ZNF689: variants seen among roughly 807,000 people sequenced by gnomAD.
ZNF689 encodes the protein short ORF-encoded histone-binding protein.
Under a neutral mutation model 37.2 loss-of-function variants are expected in ZNF689, and 14 were observed. That is an observed-to-expected ratio of 0.38 (90% CI 0.25 to 0.59). The LOEUF is 0.59. ZNF689 is among the 20% of genes least tolerant of loss of function. ZNF689 has a pLI of 0.68. For missense variants in ZNF689, 573 were observed against 700.2 expected, an observed-to-expected ratio of 0.82 and a Z score of 2.05; for synonymous variants, 277 against 283.3, an observed-to-expected ratio of 0.98 and a Z score of 0.22.
chr16:30,606,476 C>T (rs558811716), intron 2 of ZNF689, among the ~76,000 whole-genome samples: 4 of 152,016 alleles, frequency 2.6e-5, no homozygotes, highest in East Asian at 1.9e-4. Context: ...TGCTTTACAG[C>T]GTATGTTCTC....
chr16:30,606,704 G>A (rs1449075024), intron 2 of ZNF689, among the ~76,000 whole-genome samples: 1 of 151,828 alleles, frequency 6.6e-6, no homozygotes, highest in Non-Finnish European at 1.5e-5. Flanking sequence ...GTTTCACCAT[G>A]TTGGCCAGGT....
intron 2 of ZNF689, among the ~76,000 whole-genome samples, chr16:30,606,910 G>C (rs1371488223): frequency 1.3e-5 from 2 of 151,976 alleles, no homozygotes; most frequent in African/African-American, 2.4e-5. Flanking sequence ...CTATTTTACA[G>C]CTACACAGAA....
intron 1 of ZNF689, 46 bp downstream of exon 1, chr16:30,609,791 C>T (rs755939131): frequency 1.9e-6 from 3 of 1,573,776 alleles, no homozygotes; most frequent in Admixed American, 3.8e-5. Context: ...CTCTCCGGCT[C>T]CTGCATCCCT....
chr16:30,610,407 C>T, upstream of ZNF689: 1 of 227,368 alleles, frequency 4.4e-6, no homozygotes, highest in South Asian at 8.3e-5. Context: ...TTGGGCTTCA[C>T]GCCGTCTTTT....
Position 30,604,141 on chromosome 16 carries a change from T to C in ZNF689, c.*123A>G. 1 of 1,061,984 alleles carries C rather than the reference T, an allele frequency of 9.4e-7. No homozygotes were observed. Among genetic ancestry groups the C allele is most frequent in the Non-Finnish European group, 1.4e-6 (1 of 700,788 alleles). 65.8% of individuals were successfully genotyped at this position (1,061,984 alleles called of 1,614,324 possible). ...GCCAGCGCATTGCAAGATACAAAGT[T>C]CAGCTCTGTGCAGCAGGAGACCCGG... On this transcript the variant is annotated 3_prime_UTR_variant, in exon 3 of 3. Transcript: ENST00000287461. The surrounding 1 kb of genome is among the most constrained non-coding windows in gnomAD (Gnocchi z 5.2).
In ZNF689 at chr16:30,605,523, C is replaced by A. The variant is rs2052028082; in HGVS notation, c.320-76G>T. 7.0e-7 allele frequency: 1 copy of A among 1,436,726 alleles called. No homozygotes were observed. Among genetic ancestry groups the A allele is most frequent in the African/African-American group, 1.4e-5 (1 of 70,022 alleles). 89.0% of individuals were successfully genotyped at this position (1,436,726 alleles called of 1,614,324 possible). A position where few individuals can be genotyped will look rare whatever the true frequency, so the allele number is the denominator to read the frequency against. The stretch of plus-strand genomic sequence containing the variant: ...GTCAATTACATTATAGGTTACAAGA[C>A]CAATAGACTCACCCCCTGGTCTCAA... On this transcript the variant is annotated intron_variant, in intron 2 of 2. Coordinates refer to ENST00000287461, the MANE Select transcript of ZNF689 (RefSeq NM_138447.3). The surrounding 1 kb of genome is among the most constrained non-coding windows in gnomAD (Gnocchi z 5.1).
chr16:30,604,624 G>A lies in ZNF689; in HGVS notation c.1143C>T (p.Ala381=). 3 of 1,609,882 alleles carry A rather than the reference G, an allele frequency of 1.9e-6. No individual in the cohort carries two copies. Among genetic ancestry groups the A allele is most frequent in the Non-Finnish European group, 2.5e-6 (3 of 1,178,304 alleles). Residue 381 remains alanine (A), a synonymous_variant, in exon 3 of 3, where the codon GCC becomes GCT. Coordinates refer to ENST00000287461, the MANE Select transcript of ZNF689 (RefSeq NM_138447.3). This position sits in a 1 kb window ranked among gnomAD's most constrained non-coding sequence, Gnocchi z 5.2. ...KPYPCPDCGR[A]FRRSGSLAIH... The stretch of plus-strand genomic sequence containing the variant: ...TGGCCAGGGAGCCGCTCCGCCGGAA[G>A]GCACGCCCACAGTCTGGGCAGGGGT...
At position 30,605,167 on chromosome 16, in the gene ZNF689, G is replaced by A. The variant is rs9937653; in HGVS notation, c.600C>T (p.Ser200=). The A allele has an allele frequency of 4.7e-3, 7,660 of 1,612,742 alleles. 288 individuals are homozygous for A. The African/African-American group carries it at 0.088, about 19-fold the overall frequency. ...SLLVSHRRAH[S]GECPYVCDQC... ...GGTCACAAACATAGGGGCACTCGCC[G>A]GAGTGTGCCCGCCGGTGACTGACCA... The change falls in exon 3 of 3, where the codon TCC becomes TCT. Residue 200 remains serine (S), a synonymous_variant. Coordinates refer to ENST00000287461, the MANE Select transcript of ZNF689 (RefSeq NM_138447.3). This position sits in a 1 kb window ranked among gnomAD's most constrained non-coding sequence, Gnocchi z 5.1.
At position 30,605,100 on chromosome 16, in the gene ZNF689, G is replaced by A. The variant is rs1362121517; in HGVS notation, c.667C>T (p.His223Tyr). 1 of 1,614,158 alleles carries A rather than the reference G, an allele frequency of 6.2e-7. No homozygotes were observed. Among genetic ancestry groups the A allele is most frequent in the Non-Finnish European group, 8.5e-7 (1 of 1,180,036 alleles). The change falls in exon 3 of 3, where the codon CAC becomes TAC. Residue 223 changes from histidine (H) to tyrosine (Y), a missense_variant. His to Tyr is a moderately conservative substitution (Grantham distance 83). This residue lies in a region of ZNF689 where 252 missense variants were observed against 313.3 expected (regional missense o/e 0.80). Transcript: ENST00000287461. The surrounding 1 kb of genome is among the most constrained non-coding windows in gnomAD (Gnocchi z 5.1). ...TTCTCCCCTGTATGGATGACCTGGT[G>A]CTGGGAGAGGTTCTTGCGCTGGGAG... ...RFSQRKNLSQ[H>Y]QVIHTGEKPY...
At position 30,610,047 on chromosome 16, in the gene ZNF689, C is replaced by A. The variant is rs2052081901; in HGVS notation, c.-6G>T. ...GGAGCCGAAGGTGGCGCCATGGGACCCGAGAAGCCGGCGCCACGGCCTTCC... is the reference window on the plus strand; with the variant it reads ...GGAGCCGAAGGTGGCGCCATGGGACACGAGAAGCCGGCGCCACGGCCTTCC... On this transcript the variant is annotated 5_prime_UTR_variant, in exon 1 of 3. Transcript: ENST00000287461. The A allele has an allele frequency of 4.4e-6, 7 of 1,581,442 alleles. No homozygotes were observed. Among genetic ancestry groups the A allele is most frequent in the Non-Finnish European group, 6.0e-6 (7 of 1,165,856 alleles).
rs1200792249 is a variant in ZNF689 at position 30,605,939 on chromosome 16, G to A, written c.320-492C>T. Reference sequence around the variant, plus strand: ...TGCACTCCAACCTGGGCGAGAGAGCGAGATTCCATCTCAAAAAAAAAAAAA... The same window carrying A: ...TGCACTCCAACCTGGGCGAGAGAGCAAGATTCCATCTCAAAAAAAAAAAAA... On this transcript the variant is annotated intron_variant, in intron 2 of 2. Coordinates refer to ENST00000287461, the MANE Select transcript of ZNF689 (RefSeq NM_138447.3). This position sits in a 1 kb window ranked among gnomAD's most constrained non-coding sequence, Gnocchi z 5.1. 6.8e-6 allele frequency among the ~76,000 whole-genome samples: 1 copy of A among 146,496 alleles called. No homozygotes were observed. Among genetic ancestry groups the A allele is most frequent in the Non-Finnish European group, 1.5e-5 (1 of 67,102 alleles).
intron 2 of ZNF689, 30 bp downstream of exon 2, chr16:30,609,495 G>A (rs1334393784): frequency 6.3e-7 from 1 of 1,597,998 alleles, no homozygotes; most frequent in East Asian, 2.2e-5. Flanking sequence ...TAGGAGGGCT[G>A]CAGGCTCTGC....
chr16:30,610,171 G>A lies in ZNF689; in HGVS notation c.-130C>T. 8.9e-7 allele frequency: 1 copy of A among 1,121,726 alleles called. No individual in the cohort carries two copies. 69.5% of individuals were successfully genotyped at this position (1,121,726 alleles called of 1,614,324 possible). A position where few individuals can be genotyped will look rare whatever the true frequency, so the allele number is the denominator to read the frequency against. ...TGGCCGGGGAGGCCCGGAGGGAATC[G>A]GAATTGGTCGCCCGCGGGGCTAACG... On this transcript the variant is annotated 5_prime_UTR_variant, in exon 1 of 3. Coordinates refer to ENST00000287461, the MANE Select transcript of ZNF689 (RefSeq NM_138447.3).
chr16:30,610,129 C>T lies in ZNF689; in HGVS notation c.-88G>A. On this transcript the variant is annotated 5_prime_UTR_variant, in exon 1 of 3. Coordinates refer to ENST00000287461, the MANE Select transcript of ZNF689 (RefSeq NM_138447.3). ...GCCCCTGGGATCGAGGAGCCCCTGC[C>T]GGACCAGGGCTGAGCGTGGCCGGGG... 3 of 1,438,270 alleles carry T rather than the reference C, an allele frequency of 2.1e-6. No homozygotes were observed. Among genetic ancestry groups the T allele is most frequent in the Non-Finnish European group, 2.8e-6 (3 of 1,081,610 alleles). The allele number at this position is 1,438,270 out of a possible 1,614,324, so 89.1% of individuals were successfully genotyped here.
chr16:30,604,534 G>A lies in ZNF689; in HGVS notation c.1233C>T (p.Ala411=). 1.3e-6 allele frequency: 2 copies of A among 1,592,008 alleles called. No homozygotes were observed. Among genetic ancestry groups the A allele is most frequent in the Non-Finnish European group, 8.5e-7 (1 of 1,169,686 alleles). Residue 411 remains alanine, a synonymous_variant, in exon 3 of 3, where the codon GCC becomes GCT. Transcript: ENST00000287461. The surrounding 1 kb of genome is among the most constrained non-coding windows in gnomAD (Gnocchi z 5.2). ...HACDDCGRRF[A]YPSLLASHRR... ...GGTGGCTGGCCAGCAGTGAGGGGTAGGCAAAGCGGCGACCACAGTCGTCGC... is the reference window on the plus strand; with the variant it reads ...GGTGGCTGGCCAGCAGTGAGGGGTAAGCAAAGCGGCGACCACAGTCGTCGC...
At chr16:30,606,713 G>C (rs1016609488) in intron 2 of ZNF689, among the ~76,000 whole-genome samples, 7 of 151,900 alleles carry the variant, frequency 4.6e-5, no homozygotes, top group African/African-American at 1.5e-4. Flanking sequence ...TGTTGGCCAG[G>C]TTGGTCTCGA....
In ZNF689 at chr16:30,610,130, G is replaced by A. The variant is rs532974798; in HGVS notation, c.-89C>T. The A allele has an allele frequency of 1.4e-6, 2 of 1,434,204 alleles. No homozygotes were observed. Among genetic ancestry groups the A allele is most frequent in the African/African-American group, 2.9e-5 (2 of 69,918 alleles). The allele number at this position is 1,434,204 out of a possible 1,614,324, so 88.8% of individuals were successfully genotyped here. ...CCCCTGGGATCGAGGAGCCCCTGCC[G>A]GACCAGGGCTGAGCGTGGCCGGGGA... is the stretch of plus-strand genomic sequence containing the variant. On this transcript the variant is annotated 5_prime_UTR_variant, in exon 1 of 3. Coordinates refer to ENST00000287461, the MANE Select transcript of ZNF689 (RefSeq NM_138447.3).
chr16:30,604,674 G>A lies in ZNF689; in HGVS notation c.1093C>T (p.Leu365Phe). The A allele has an allele frequency of 6.2e-7, 1 of 1,610,802 alleles. No homozygotes were observed. The highest frequency in any genetic ancestry group is 8.5e-7 in the Non-Finnish European group (1 of 1,179,514). ...TAGGGCTTCTCTCCGGTGTGCAAGA[G>A]CTGGTGCTGGAGCAGCGTGCTGCGC... ...SQRSTLLQHQ[L>F]LHTGEKPYPC... Residue 365 changes from leucine to phenylalanine, a missense_variant, in exon 3 of 3, where the codon CTC becomes TTC. By Grantham distance (22) the Leu-to-Phe change is conservative. Transcript: ENST00000287461. This position sits in a 1 kb window ranked among gnomAD's most constrained non-coding sequence, Gnocchi z 5.2.
intron 2 of ZNF689, among the ~76,000 whole-genome samples, chr16:30,607,357 C>A (rs1826782593): frequency 6.7e-6 from 1 of 149,222 alleles, no homozygotes. Flanking sequence ...CTTTGGGAGG[C>A]CAAGGTGGGC....
Sources: allele counts gnomAD v4.1 joint callset (sites outside exome capture counted in the v4.1 genomes callset), GRCh38; gene constraint gnomAD v4.1.1; regional missense constraint gnomAD v4.1.1; non-coding constraint Gnocchi (gnomAD v3.1); transcripts MANE v1.5; gene names NCBI Gene and HGNC (gene_info 2026-07-23, HGNC 2026-07-21).